ADAMTS2: variants seen among roughly 807,000 people sequenced by gnomAD.
The protein encoded by ADAMTS2 is A disintegrin and metalloproteinase with thrombospondin motifs 2.
A neutral mutation model predicts 123.0 loss-of-function variants in ADAMTS2; 50 were observed. That is an observed-to-expected ratio of 0.41 (90% CI 0.32 to 0.51). The LOEUF (loss-of-function observed/expected upper bound fraction) is 0.51, where lower values mean the gene tolerates loss of function less well. Ranked by LOEUF, ADAMTS2 falls within the 20% of genes least tolerant of loss-of-function variation. The pLI is 0.35. For synonymous variants in ADAMTS2, 678 were observed against 695.4 expected (o/e 0.98, Z 0.39); for missense variants, 1,494 against 1,705.2 (o/e 0.88, Z 2.18).
intron 2 of ADAMTS2, among the ~76,000 whole-genome samples, chr5:179,334,824 G>C (rs1757570550): frequency 6.6e-6 from 1 of 151,830 alleles, no homozygotes; most frequent in South Asian, 2.1e-4. Context: ...ATGAGCAATG[G>C]CAAAAAGAAA....
chr5:179,211,710 C>T (rs548226975), intron 3 of ADAMTS2, among the ~76,000 whole-genome samples: 4 of 152,198 alleles, frequency 2.6e-5, no homozygotes, highest in Non-Finnish European at 5.9e-5. Flanking sequence ...ATCAGGGGAA[C>T]GGGTGGGTCA....
At chr5:179,133,213 G>A (rs901728256) in intron 13 of ADAMTS2, among the ~76,000 whole-genome samples, 6 of 152,172 alleles carry the variant, frequency 3.9e-5, no homozygotes, top group African/African-American at 1.4e-4. Flanking sequence ...GGCCCAGGCA[G>A]GCACCGTCCC....
rs1765269694 is a variant in ADAMTS2 at position 179,225,838 on chromosome 5, G to A, written c.689-18123C>T. Among the ~76,000 whole-genome samples the A allele has an allele frequency of 6.6e-6, 1 of 152,182 alleles. No individual in the cohort carries two copies. The highest frequency in any genetic ancestry group is 1.5e-5 in the Non-Finnish European group (1 of 68,032). Reference sequence around the variant, plus strand: ...GCCCACGTGTGATCTGATTCTTCCAGGACATCAAGGAAGAACCCGAGATAC... The same window carrying A: ...GCCCACGTGTGATCTGATTCTTCCAAGACATCAAGGAAGAACCCGAGATAC... On this transcript the variant is annotated intron_variant, in intron 3 of 21. Coordinates refer to ENST00000251582, the MANE Select transcript of ADAMTS2 (RefSeq NM_014244.5). This position sits in a 1 kb window ranked among gnomAD's most constrained non-coding sequence, Gnocchi z 4.5.
chr5:179,344,184 A>G lies in ADAMTS2; in HGVS notation c.140-23T>C, dbSNP rs764252625. 7.6e-6 allele frequency: 12 copies of G among 1,573,368 alleles called. No individual in the cohort carries two copies. In the South Asian group the frequency reaches 1.3e-4, roughly 17 times the overall value. On this transcript the variant is annotated intron_variant, in intron 1 of 21. Coordinates refer to ENST00000251582, the MANE Select transcript of ADAMTS2 (RefSeq NM_014244.5). ...CGCCTGCAACGGGAAGGGGCGTTAG[A>G]TCGGCGGAGACCACGGAGCCCCAGT...
chr5:179,254,980 T>C (rs948342856), intron 3 of ADAMTS2, among the ~76,000 whole-genome samples: 2 of 151,304 alleles, frequency 1.3e-5, no homozygotes, highest in Non-Finnish European at 2.9e-5. Context: ...AATGAGTGTG[T>C]AGATGAATGG....
chr5:179,213,477 C>T (rs571366926), intron 3 of ADAMTS2, among the ~76,000 whole-genome samples: 2 of 152,280 alleles, frequency 1.3e-5, no homozygotes, highest in South Asian at 4.2e-4. Context: ...TGTGAGGGGC[C>T]TGGAGCCATG....
chr5:179,209,930 C>T (rs1680778489), intron 3 of ADAMTS2, among the ~76,000 whole-genome samples: 1 of 152,264 alleles, frequency 6.6e-6, no homozygotes, highest in African/African-American at 2.4e-5. Flanking sequence ...GCGTTACCCT[C>T]TGCCCTTGTC....
chr5:179,174,614 G>A (rs568569477), intron 5 of ADAMTS2, among the ~76,000 whole-genome samples: 2 of 152,252 alleles, frequency 1.3e-5, no homozygotes, highest in East Asian at 1.9e-4. Context: ...TGTTTATCAC[G>A]GTAGGTTATT....
In ADAMTS2 at chr5:179,150,432, ACAC is replaced by A. The variant is rs771357239; in HGVS notation, c.1629+1707_1629+1709del. Reference sequence around the variant, plus strand: ...CATTAAGTCTGGGCACATCTTAAAAACACCAATTCCCAGGTCTTCGAACAAAAC... The same window carrying A: ...CATTAAGTCTGGGCACATCTTAAAAACAATTCCCAGGTCTTCGAACAAAAC... On this transcript the variant is annotated intron_variant, in intron 10 of 21. Coordinates refer to ENST00000251582, the MANE Select transcript of ADAMTS2 (RefSeq NM_014244.5). 8.5e-5 allele frequency among the ~76,000 whole-genome samples: 13 copies of A among 152,324 alleles called. No homozygotes were observed. The South Asian group carries it at 1.9e-3, about 22-fold the overall frequency.
At chr5:179,151,966 A>G (rs1297798041) in intron 10 of ADAMTS2, among the ~76,000 whole-genome samples, 176 bp downstream of exon 10, 2 of 152,240 alleles carry the variant, frequency 1.3e-5, no homozygotes, top group African/African-American at 4.8e-5. Context: ...CACAGGGTGG[A>G]GGCAGCTCCG....
intron 3 of ADAMTS2, among the ~76,000 whole-genome samples, chr5:179,257,492 C>T (rs1258811611): frequency 1.3e-5 from 2 of 152,130 alleles, no homozygotes; most frequent in African/African-American, 2.4e-5. Context: ...CCGAACCCGG[C>T]GCCACGCCTG....
At chr5:179,136,579 C>T (rs974076169) in intron 12 of ADAMTS2, among the ~76,000 whole-genome samples, 2 of 148,016 alleles carry the variant, frequency 1.4e-5, no homozygotes, top group Admixed American at 6.7e-5. Flanking sequence ...GCAGGAGAAT[C>T]GCTTGAACCC....
chr5:179,141,279 T>C (rs1763165618), intron 10 of ADAMTS2, among the ~76,000 whole-genome samples: 1 of 152,216 alleles, frequency 6.6e-6, no homozygotes, highest in African/African-American at 2.4e-5. Context: ...TATTGTAGAC[T>C]TTGCAGGCTA....
At chr5:179,252,373 T>A (rs902358936) in intron 3 of ADAMTS2, among the ~76,000 whole-genome samples, 15 of 152,158 alleles carry the variant, frequency 9.9e-5, no homozygotes, top group Admixed American at 9.8e-4. Flanking sequence ...TGGATCAATG[T>A]TGCCTTTTTC....
chr5:179,323,313 G>A (rs1171825244), intron 2 of ADAMTS2, among the ~76,000 whole-genome samples: 1 of 152,250 alleles, frequency 6.6e-6, no homozygotes, highest in African/African-American at 2.4e-5. Flanking sequence ...AGCAGTCCAG[G>A]AGGGCCTGGG....
At chr5:179,143,080 G>A (rs536653269) in intron 10 of ADAMTS2, among the ~76,000 whole-genome samples, 3 of 152,284 alleles carry the variant, frequency 2.0e-5, no homozygotes, top group African/African-American at 7.2e-5. Flanking sequence ...CTAAAGGAGA[G>A]TACAGGAATG....
rs138872714 is a variant in ADAMTS2, at chr5:179,331,909, G to C, written c.534+11858C>G. Among the ~76,000 whole-genome samples the C allele has an allele frequency of 3.6e-3, 553 of 152,280 alleles. 8 individuals are homozygous for C. The highest frequency in any genetic ancestry group is 0.013 in the African/African-American group (532 of 41,554). The stretch of plus-strand genomic sequence containing the variant: ...CCCCACAGTTGAGTGCAATGCTCAT[G>C]CCAACTACCTGGGGTCAGCTTAGCC... On this transcript the variant is annotated intron_variant, in intron 2 of 21. Transcript: ENST00000251582.
chr5:179,191,408 G>A (rs1458523760), intron 4 of ADAMTS2, among the ~76,000 whole-genome samples: 1 of 152,198 alleles, frequency 6.6e-6, no homozygotes, highest in Non-Finnish European at 1.5e-5. Context: ...CAGAGGCTGT[G>A]TGGCCCGGCC....
intron 3 of ADAMTS2, among the ~76,000 whole-genome samples, chr5:179,239,904 C>T (rs187988483): frequency 1.8e-4 from 27 of 152,140 alleles, no homozygotes; most frequent in African/African-American, 5.6e-4. Flanking sequence ...CTAGGGATGG[C>T]GACTGAGGAT....
Sources: gnomAD v4.1 joint callset for allele counts (sites outside exome capture counted in the v4.1 genomes callset) on GRCh38, gnomAD v4.1.1 for gene constraint, Gnocchi (gnomAD v3.1) non-coding constraint, MANE v1.5 for transcripts, NCBI Gene and HGNC (gene_info 2026-07-23, HGNC 2026-07-21) for gene names.